Variants in ZFHX3 observed in about 807,000 individuals in gnomAD.
ZFHX3 encodes zinc finger homeobox 3.
A neutral mutation model predicts 279.1 loss-of-function variants in ZFHX3; 42 were observed. The observed-to-expected ratio is 0.15, with a 90% confidence interval of 0.12 to 0.19. The LOEUF (loss-of-function observed/expected upper bound fraction) is 0.19. Ranked by LOEUF, ZFHX3 falls within the 10% of genes least tolerant of loss-of-function variation. The pLI is 1.00. For synonymous variants in ZFHX3, 2,293 were observed against 1,957.8 expected, an observed-to-expected ratio of 1.17 and a Z score of -4.52; for missense variants, 4,981 against 4,754.0, an observed-to-expected ratio of 1.05 and a Z score of -1.40.
intron 1 of ZFHX3, among the ~76,000 whole-genome samples, chr16:73,768,709 A>C (rs1164271251): frequency 6.6e-6 from 1 of 152,184 alleles, no homozygotes; most frequent in African/African-American, 2.4e-5. Flanking sequence ...AATAGATTTG[A>C]GATAACAGAT....
At chr16:73,157,030 T>C (rs1967104074) in intron 5 of ZFHX3, among the ~76,000 whole-genome samples, 1 of 151,908 alleles carries the variant, frequency 6.6e-6, no homozygotes, top group African/African-American at 2.4e-5. Flanking sequence ...TATTTTTTAA[T>C]TTTTTTGTAG....
intron 4 of ZFHX3, among the ~76,000 whole-genome samples, chr16:72,876,586 A>G (rs1484725918): frequency 6.6e-6 from 1 of 151,142 alleles, no homozygotes; most frequent in Admixed American, 6.6e-5. Context: ...CTACCCAGGC[A>G]TGTTGAAAAA....
intron 1 of ZFHX3, among the ~76,000 whole-genome samples, chr16:73,882,307 A>C (rs1362862296): frequency 6.6e-6 from 1 of 152,080 alleles, no homozygotes; most frequent in Non-Finnish European, 1.5e-5. Flanking sequence ...GAGTTGGACT[A>C]GTGATGTCAT....
intron 8 of ZFHX3, among the ~76,000 whole-genome samples, chr16:73,086,367 G>A (rs780356410): frequency 2.6e-5 from 4 of 152,072 alleles, no homozygotes; most frequent in Non-Finnish European, 2.9e-5. Context: ...GGTGTATGTC[G>A]CAAAGAAAGG....
intron 2 of ZFHX3, among the ~76,000 whole-genome samples, chr16:73,509,061 T>C (rs779735686): frequency 6.6e-6 from 1 of 152,198 alleles, no homozygotes; most frequent in African/African-American, 2.4e-5. Context: ...ACAAAGTTGA[T>C]AGTAATTAAT....
chr16:73,486,043 T>A (rs951962670), intron 2 of ZFHX3, among the ~76,000 whole-genome samples: 9 of 152,164 alleles, frequency 5.9e-5, no homozygotes, highest in African/African-American at 2.2e-4. Context: ...CATAAACATA[T>A]GTTGAGTGAA....
intron 2 of ZFHX3, among the ~76,000 whole-genome samples, chr16:73,649,359 T>C (rs1040727832): frequency 3.9e-5 from 6 of 152,188 alleles, no homozygotes; most frequent in African/African-American, 1.4e-4. Context: ...GTAATCATCA[T>C]TAAGGCATGT....
At position 73,762,727 on chromosome 16, in the gene ZFHX3, C is replaced by G. The variant is rs146993707; in HGVS notation, c.-1607-82487G>C. ...TATCCTCAGCAAACTAACATGGGAA[C>G]AGAAAACCAAATACCACATGTTCTC... is the stretch of plus-strand genomic sequence containing the variant. On this transcript the variant is annotated intron_variant, in intron 1 of 17. Transcript: ENST00000641206. 1.2e-3 allele frequency among the ~76,000 whole-genome samples: 178 copies of G among 152,230 alleles called. 1 individual carries two copies. Among genetic ancestry groups the G allele is most frequent in the African/African-American group, 4.1e-3 (169 of 41,534 alleles).
chr16:73,052,217 TA>T (rs11375852), upstream of ZFHX3, among the ~76,000 whole-genome samples: 652 of 149,072 alleles, frequency 4.4e-3, 8 homozygotes, highest in African/African-American at 0.014. Flanking sequence ...ATTGTAGATT[TA>T]AAAAAAAAAA....
At chr16:73,875,544 T>C (rs2029920213) in intron 1 of ZFHX3, among the ~76,000 whole-genome samples, 1 of 152,198 alleles carries the variant, frequency 6.6e-6, no homozygotes, top group African/African-American at 2.4e-5. Flanking sequence ...TATTTACCAG[T>C]ATTCAAAAAA....
intron 4 of ZFHX3, among the ~76,000 whole-genome samples, chr16:72,838,885 C>G (rs1475286584): frequency 6.6e-6 from 1 of 151,902 alleles, no homozygotes. Flanking sequence ...CGCCTGGTGG[C>G]TATTCACAGG....
chr16:73,088,502 A>G (rs188634830), intron 8 of ZFHX3, among the ~76,000 whole-genome samples: 1 of 152,292 alleles, frequency 6.6e-6, no homozygotes, highest in East Asian at 1.9e-4. Context: ...GATTGCATGA[A>G]GCCTAGAATA....
intron 2 of ZFHX3, among the ~76,000 whole-genome samples, chr16:73,660,050 T>A (rs2052764812): frequency 6.6e-6 from 1 of 152,220 alleles, no homozygotes; most frequent in South Asian, 2.1e-4. Flanking sequence ...ATTTCTTTCC[T>A]TGTAATAAAA....
chr16:73,802,339 C>T (rs566489946), intron 1 of ZFHX3, among the ~76,000 whole-genome samples: 2 of 152,206 alleles, frequency 1.3e-5, no homozygotes, highest in Non-Finnish European at 2.9e-5. Context: ...CAGTGAGCCC[C>T]ATGCCAAACT....
chr16:72,814,598 G>A (rs936089221), intron 5 of ZFHX3, among the ~76,000 whole-genome samples: 1 of 134,150 alleles, frequency 7.5e-6, no homozygotes, highest in African/African-American at 2.7e-5. Context: ...CCTGCATGGA[G>A]AGGGGAACTT....
intron 6 of ZFHX3, chr16:73,143,626 G>A: frequency 1.8e-6 from 1 of 566,132 alleles, no homozygotes; most frequent in South Asian, 1.6e-5. Flanking sequence ...TAGTAACACT[G>A]CAATTTCCTT....
At chr16:72,928,182 AGAGGGAGGGGGAGGGGAGC>A (rs1380981518) in intron 3 of ZFHX3, among the ~76,000 whole-genome samples, 50 of 4,406 alleles carry the variant, frequency 0.011, 3 homozygotes, top group Non-Finnish European at 0.015. Context: ...GGGAGGGGAG[AGAGGGAGGGGGAGGGGAGC>A]GAGGGGGAGC....
chr16:73,214,383 T>C (rs1480595969), intron 5 of ZFHX3, among the ~76,000 whole-genome samples: 1 of 150,874 alleles, frequency 6.6e-6, no homozygotes. Flanking sequence ...TGACTGTGAA[T>C]TTTTTTTTTC....
rs146972885 is a variant in ZFHX3, at chr16:73,029,731, C to T, written c.-50+18021G>A. Among the ~76,000 whole-genome samples the T allele has an allele frequency of 3.0e-3, 452 of 152,304 alleles. 9 individuals carry two copies. The highest frequency in any genetic ancestry group is 0.024 in the Admixed American group (363 of 15,294). On this transcript the variant is annotated intron_variant, in intron 1 of 9. Transcript: ENST00000268489. ...AACTCGATCAGCCCCACTGTTCCTG[C>T]GTGGACATCTTTAGGTGGCTGTTGT... is the stretch of plus-strand genomic sequence containing the variant.
Sources: allele counts gnomAD v4.1 joint callset (sites outside exome capture counted in the v4.1 genomes callset), GRCh38; gene constraint gnomAD v4.1.1; transcripts MANE v1.5; gene names NCBI Gene and HGNC (gene_info 2026-07-23, HGNC 2026-07-21).